The following UGT1A7 variants were observed in gnomAD, a reference collection of about 807,000 sequenced individuals.
UGT1A7 encodes the protein UDP-glucuronosyltransferase 1A7.
Under a neutral mutation model 45.6 loss-of-function variants are expected in UGT1A7, and 33 were observed. That is an observed-to-expected ratio of 0.72 (90% CI 0.55 to 0.97). The LOEUF (loss-of-function observed/expected upper bound fraction) is 0.97. Ranked by LOEUF, UGT1A7 falls within the 50% of genes least tolerant of loss-of-function variation. The pLI, the probability that UGT1A7 is intolerant of heterozygous loss-of-function variation, is 0.00. For missense variants in UGT1A7, 684 were observed against 666.2 expected, an observed-to-expected ratio of 1.03 and a Z score of -0.29; for synonymous variants, 274 against 250.6, an observed-to-expected ratio of 1.09 and a Z score of -0.88.
chr2:233,726,289 A>G (rs568621451), intron 1 of UGT1A7, among the ~76,000 whole-genome samples: 9 of 152,322 alleles, frequency 5.9e-5, no homozygotes, highest in African/African-American at 1.9e-4. Context: ...GGTACTTGGG[A>G]GGCTCAGGTG....
intron 1 of UGT1A7, chr2:233,741,807 T>C (rs561601493): frequency 6.6e-6 from 1 of 152,052 alleles, no homozygotes; most frequent in South Asian, 2.1e-4. Context: ...ATGCTGCTCT[T>C]AATTTTTTTC....
At chr2:233,745,962 G>A (rs1693268115) in intron 1 of UGT1A7, among the ~76,000 whole-genome samples, 2 of 151,772 alleles carry the variant, frequency 1.3e-5, no homozygotes, top group Admixed American at 1.3e-4. Context: ...GGGGGACAGG[G>A]GCCCTGAAAT....
rs1699786143 is a variant in UGT1A7 at position 233,769,071 on chromosome 2, C to T, written c.1295+632C>T. Among the ~76,000 whole-genome samples, 1 of 152,122 alleles carries T rather than the reference C, an allele frequency of 6.6e-6. No homozygotes were observed. The highest frequency in any genetic ancestry group is 2.1e-4 in the South Asian group (1 of 4,832). On this transcript the variant is annotated intron_variant, in intron 4 of 4. Transcript: ENST00000373426. The surrounding 1 kb of genome is among the most constrained non-coding windows in gnomAD (Gnocchi z 4.4). ...TAAGTTTCCTGCACAGAAAGAAATA[C>T]TCCATTATAAGAAGCATAGTATCTT...
At chr2:233,695,637 T>A (rs2075300898) in intron 1 of UGT1A7, among the ~76,000 whole-genome samples, 1 of 152,092 alleles carries the variant, frequency 6.6e-6, no homozygotes, top group African/African-American at 2.4e-5. Flanking sequence ...TGAGACCCAC[T>A]TTTTTAGCTC....
intron 1 of UGT1A7, among the ~76,000 whole-genome samples, chr2:233,732,141 T>C (rs532123817): frequency 6.6e-6 from 1 of 151,874 alleles, no homozygotes; most frequent in South Asian, 2.1e-4. Context: ...TGTTTGTTTG[T>C]TTTTTTTCTT....
intron 1 of UGT1A7, among the ~76,000 whole-genome samples, chr2:233,730,257 A>C (rs1190299662): frequency 6.6e-6 from 1 of 152,082 alleles, no homozygotes; most frequent in Non-Finnish European, 1.5e-5. Flanking sequence ...ACTCATAGAG[A>C]CTGTTGGTTT....
rs11568317 is a variant in UGT1A7 at position 233,757,117 on chromosome 2, A to G, written c.856-9917A>G. ...GAGGGAGGGGGCAAGCAGAAGGGCT[A>G]GAGAGGAGGAATGAGCTTGGACAGG... On this transcript the variant is annotated intron_variant, in intron 1 of 4. Transcript: ENST00000373426. Among the ~76,000 whole-genome samples, 108 of 151,324 alleles carry G rather than the reference A, an allele frequency of 7.1e-4. 1 individual carries two copies. In the East Asian group the frequency reaches 0.02, roughly 28 times the overall value.
At chr2:233,750,460 A>G (rs1694463339) in intron 1 of UGT1A7, among the ~76,000 whole-genome samples, 1 of 152,018 alleles carries the variant, frequency 6.6e-6, no homozygotes, top group South Asian at 2.1e-4. Flanking sequence ...CCAGCTACAG[A>G]AATACTGGCT....
intron 1 of UGT1A7, chr2:233,729,455 T>G: frequency 2.5e-6 from 4 of 1,614,068 alleles, no homozygotes; most frequent in Non-Finnish European, 2.5e-6. Flanking sequence ...CTGAAGAAAT[T>G]TTTCAGAAGT....
intron 1 of UGT1A7, chr2:233,719,318 G>T: frequency 6.2e-7 from 1 of 1,613,954 alleles, no homozygotes; most frequent in Non-Finnish European, 8.5e-7. Flanking sequence ...AGTACCTGTC[G>T]ATTCCTGCTG....
intron 1 of UGT1A7, among the ~76,000 whole-genome samples, chr2:233,701,125 G>T (rs535015875): frequency 1.6e-4 from 24 of 152,142 alleles, no homozygotes; most frequent in Non-Finnish European, 4.4e-5. Context: ...ATCATTGAGG[G>T]ACATTTAGGT....
At chr2:233,689,319 T>G (rs986837982) in intron 1 of UGT1A7, among the ~76,000 whole-genome samples, 1 of 152,210 alleles carries the variant, frequency 6.6e-6, no homozygotes, top group Non-Finnish European at 1.5e-5. Flanking sequence ...ACCAAACATC[T>G]ACACTGAGAT....
At chr2:233,729,952 A>G (rs1448205377) in intron 1 of UGT1A7, 1 of 1,614,072 alleles carries the variant, frequency 6.2e-7, no homozygotes, top group African/African-American at 1.3e-5. Flanking sequence ...CATGGTCTTC[A>G]TTGGGGGCAT....
At chr2:233,748,872 G>A (rs1337715059) in intron 1 of UGT1A7, among the ~76,000 whole-genome samples, 3 of 151,552 alleles carry the variant, frequency 2.0e-5, no homozygotes, top group Non-Finnish European at 4.4e-5. Context: ...GCTGGGGACG[G>A]TGATGAATGG....
intron 1 of UGT1A7, among the ~76,000 whole-genome samples, chr2:233,752,885 GC>G (rs1406644444): frequency 1.3e-5 from 2 of 152,174 alleles, no homozygotes; most frequent in Non-Finnish European, 2.9e-5. Context: ...GTTAAAACTA[GC>G]CAGCGTTGTT....
intron 1 of UGT1A7, among the ~76,000 whole-genome samples, chr2:233,710,562 A>C (rs995361166): frequency 9.2e-5 from 14 of 152,172 alleles, no homozygotes; most frequent in African/African-American, 3.4e-4. Context: ...TTTTCTTTTA[A>C]AAGGTGCCCT....
intron 1 of UGT1A7, among the ~76,000 whole-genome samples, chr2:233,728,801 G>A (rs1420338275): frequency 4.1e-4 from 62 of 152,222 alleles, no homozygotes; most frequent in Admixed American, 4.1e-3. Context: ...CAGAGAAGTA[G>A]GAGACAGTGA....
At chr2:233,748,125 T>A in intron 1 of UGT1A7, 1 of 1,610,546 alleles carries the variant, frequency 6.2e-7, no homozygotes, top group Middle Eastern at 2.0e-4. Context: ...GGCAAAACAG[T>A]TTTTAAAAAT....
chr2:233,750,657 G>A (rs1694532021), intron 1 of UGT1A7: 1 of 143,480 alleles, frequency 7.0e-6, no homozygotes, highest in Admixed American at 6.7e-5. Flanking sequence ...TCAGGACTTG[G>A]TGCCCTGTGT....
Sources: allele counts gnomAD v4.1 joint callset (sites outside exome capture counted in the v4.1 genomes callset), GRCh38; gene constraint gnomAD v4.1.1; non-coding constraint Gnocchi (gnomAD v3.1); transcripts MANE v1.5; gene names NCBI Gene and HGNC (gene_info 2026-07-23, HGNC 2026-07-21).